The following TTLL1 variants were observed in gnomAD, a reference collection of about 807,000 sequenced individuals.
The protein encoded by TTLL1 is polyglutamylase complex subunit TTLL1.
A neutral mutation model predicts 47.8 loss-of-function variants in TTLL1; 33 were observed. The observed-to-expected ratio is 0.69, with a 90% CI of 0.52 to 0.92. The LOEUF is 0.92. Among genes scored for constraint, TTLL1 ranks in the 40% least tolerant of loss-of-function variants. The pLI, the probability that TTLL1 is intolerant of heterozygous loss-of-function variation, is 0.00. For missense variants in TTLL1, 488 were observed against 547.5 expected, an observed-to-expected ratio of 0.89 and a Z score of 1.08; for synonymous variants, 225 against 214.1, an observed-to-expected ratio of 1.05 and a Z score of -0.45.
Position 43,039,925 on chromosome 22 carries a change from G to C in TTLL1, c.1143-20C>G. 1 of 1,610,762 alleles carries C rather than the reference G, an allele frequency of 6.2e-7. No individual in the cohort carries two copies. Among genetic ancestry groups the C allele is most frequent in the South Asian group, 1.1e-5 (1 of 90,868 alleles). On this transcript the variant is annotated intron_variant, in intron 10 of 10. Coordinates refer to ENST00000266254, the MANE Select transcript of TTLL1 (RefSeq NM_012263.5). ...TCATACCTGGAGACAGAAACAGCCA[G>C]GATCACGGCAGGCTCTCTTTCAAAG...
chr22:43,059,021 G>C (rs932679772), intron 8 of TTLL1, among the ~76,000 whole-genome samples: 11 of 145,828 alleles, frequency 7.5e-5, no homozygotes, highest in African/African-American at 2.8e-4. Flanking sequence ...ACAGAGTCTT[G>C]CTCTGTCACC....
intron 7 of TTLL1, 80 bp from the exon 8 acceptor site, chr22:43,059,607 C>A: frequency 1.3e-6 from 2 of 1,492,830 alleles, no homozygotes; most frequent in East Asian, 5.0e-5. Flanking sequence ...ATCCCCCAAG[C>A]ATTTCTGGAG....
At chr22:43,045,166 A>G (rs527404194) in intron 10 of TTLL1, among the ~76,000 whole-genome samples, 1 of 151,872 alleles carries the variant, frequency 6.6e-6, no homozygotes, top group South Asian at 2.1e-4. Context: ...CAGCCAGGTC[A>G]ATCTTTTTAA....
At chr22:43,074,427 CAAAA>C (rs61701643) in intron 3 of TTLL1, among the ~76,000 whole-genome samples, 1 of 85,740 alleles carries the variant, frequency 1.2e-5, no homozygotes, top group African/African-American at 3.8e-5. Context: ...AATTTCGTCT[CAAAA>C]AAAAAAAAAA....
intron 9 of TTLL1, among the ~76,000 whole-genome samples, chr22:43,049,554 C>T (rs532168504): frequency 4.8e-5 from 7 of 146,898 alleles, no homozygotes; most frequent in African/African-American, 1.8e-4. Context: ...ACAAAAAACA[C>T]ACACAAAAAA....
In TTLL1 at chr22:43,046,500, G is replaced by T; in HGVS notation, c.1052C>A (p.Thr351Asn). ...RILKYNLINDTLNIAVPNGEI... is the reference protein window; with the variant it reads ...RILKYNLINDNLNIAVPNGEI... Reference sequence around the variant, plus strand: ...ACCATTCGGGACGGCGATGTTGAGGGTGTCATTAATCAGGTTGTACTTGAG... The same window carrying T: ...ACCATTCGGGACGGCGATGTTGAGGTTGTCATTAATCAGGTTGTACTTGAG... Residue 351 changes from threonine to asparagine, a missense_variant, in exon 10 of 11, where the codon ACC becomes AAC. By Grantham distance (65) the Thr-to-Asn change is moderately conservative. Transcript: ENST00000266254. 6.2e-7 allele frequency: 1 copy of T among 1,614,118 alleles called. No homozygotes were observed. Among genetic ancestry groups the T allele is most frequent in the Non-Finnish European group, 8.5e-7 (1 of 1,180,022 alleles).
intron 8 of TTLL1, among the ~76,000 whole-genome samples, chr22:43,052,761 C>CA (rs375509370): frequency 6.8e-6 from 1 of 146,126 alleles, no homozygotes; most frequent in African/African-American, 2.5e-5. Flanking sequence ...AGCAAACAAA[C>CA]AAAAAAAAGA....
chr22:43,051,773 G>A, intron 9 of TTLL1, 28 bp downstream of exon 9: 5 of 1,609,172 alleles, frequency 3.1e-6, no homozygotes, highest in Non-Finnish European at 4.3e-6. Flanking sequence ...TGTGTGGTGT[G>A]ACCAGGTGCA....
intron 8 of TTLL1, among the ~76,000 whole-genome samples, chr22:43,055,055 ACT>A (rs1170771864): frequency 8.0e-6 from 1 of 124,454 alleles, no homozygotes; most frequent in Non-Finnish European, 1.7e-5. Flanking sequence ...CAGAATCTTA[ACT>A]CTGTCACCCA....
chr22:43,068,492 C>T lies in TTLL1; in HGVS notation c.421G>A (p.Gly141Ser). 6.3e-7 allele frequency: 1 copy of T among 1,582,928 alleles called. No individual in the cohort carries two copies. The highest frequency in any genetic ancestry group is 1.1e-5 in the South Asian group (1 of 88,060). ...PSSTWIMKPC[G>S]KAQGKGIFLI... is the part of the protein sequence containing the mutation. ...AAGATGCCCTTTCCCTGGGCCTTGCCACAAGGCTTCATGATCCAGGTGCTG... is the reference window on the plus strand; with the variant it reads ...AAGATGCCCTTTCCCTGGGCCTTGCTACAAGGCTTCATGATCCAGGTGCTG... The change falls in exon 5 of 11, where the codon GGC becomes AGC. Residue 141 changes from glycine to serine, a missense_variant. Transcript: ENST00000266254.
At chr22:43,087,496 C>T (rs934531527) in intron 1 of TTLL1, among the ~76,000 whole-genome samples, 4 of 150,412 alleles carry the variant, frequency 2.7e-5, no homozygotes, top group African/African-American at 9.8e-5. Flanking sequence ...TGCACTCCAG[C>T]CCGGGCAACA....
chr22:43,041,252 A>C (rs1925654562), intron 10 of TTLL1: 1 of 152,188 alleles, frequency 6.6e-6, no homozygotes, highest in African/African-American at 2.4e-5. Flanking sequence ...GTTAAAGCAC[A>C]TCCGTCGGTG....
chr22:43,058,116 T>C (rs1465246854), intron 8 of TTLL1, among the ~76,000 whole-genome samples: 5 of 151,920 alleles, frequency 3.3e-5, no homozygotes, highest in South Asian at 2.1e-4. Flanking sequence ...GCAAATTTTT[T>C]TGTAGTTGTA....
At chr22:43,069,870 C>T in intron 3 of TTLL1, 26 bp from the exon 4 acceptor site, 1 of 1,612,550 alleles carries the variant, frequency 6.2e-7, no homozygotes, top group Non-Finnish European at 8.5e-7. Context: ...AGGAGAGACA[C>T]TTGGCAGTGA....
chr22:43,068,082 G>A (rs967729467), intron 5 of TTLL1, among the ~76,000 whole-genome samples: 2 of 148,250 alleles, frequency 1.3e-5, no homozygotes, highest in Non-Finnish European at 3.0e-5. Flanking sequence ...CCAAAGGGCT[G>A]AGATTACAGG....
intron 8 of TTLL1, among the ~76,000 whole-genome samples, chr22:43,054,722 C>CT (rs1926880859): frequency 6.5e-5 from 8 of 123,580 alleles, no homozygotes; most frequent in South Asian, 2.6e-4. Flanking sequence ...CTGCACCTGG[C>CT]CTTTTTTTTT....
At chr22:43,042,051 A>C (rs974079540) in intron 10 of TTLL1, among the ~76,000 whole-genome samples, 15 of 152,164 alleles carry the variant, frequency 9.9e-5, no homozygotes, top group African/African-American at 3.6e-4. Flanking sequence ...CCACAGGATC[A>C]GATACCCCTA....
intron 1 of TTLL1, among the ~76,000 whole-genome samples, chr22:43,080,956 A>G (rs1316734343): frequency 1.7e-5 from 2 of 118,774 alleles, no homozygotes; most frequent in African/African-American, 6.5e-5. Flanking sequence ...TCGCTCTGTC[A>G]CCCAGGCTGG....
intron 3 of TTLL1, among the ~76,000 whole-genome samples, chr22:43,071,731 C>A (rs1928137345): frequency 6.6e-6 from 1 of 152,194 alleles, no homozygotes; most frequent in Non-Finnish European, 1.5e-5. Flanking sequence ...CTTTGGAAGG[C>A]TGAGAATTGG....
Sources: gnomAD v4.1 joint callset for allele counts (sites outside exome capture counted in the v4.1 genomes callset) on GRCh38, gnomAD v4.1.1 for gene constraint, MANE v1.5 for transcripts, NCBI Gene and HGNC (gene_info 2026-07-23, HGNC 2026-07-21) for gene names.